The following LRIG2 variants were observed in gnomAD, a reference collection of about 807,000 sequenced individuals.
LRIG2 encodes leucine rich repeats and immunoglobulin like domains 2, also known as leucine-rich repeats and immunoglobulin-like domains protein 2.
In LRIG2, 93 loss-of-function variants were observed where a neutral mutation model predicts 107.8. That is an observed-to-expected ratio of 0.86 (90% CI 0.73 to 1.03). The LOEUF (loss-of-function observed/expected upper bound fraction) is 1.03. Ranked by LOEUF, LRIG2 falls within the 50% of genes least tolerant of loss-of-function variation. The pLI is 0.00. For missense variants in LRIG2, 1,226 were observed against 1,296.0 expected (o/e 0.95, Z 0.83); for synonymous variants, 471 against 470.6 (o/e 1.00, Z -0.01).
chr1:113,101,287 C>T (rs926227316), intron 11 of LRIG2, among the ~76,000 whole-genome samples: 19 of 152,168 alleles, frequency 1.2e-4, no homozygotes, highest in African/African-American at 3.6e-4. Context: ...CAGCTGGTCT[C>T]GAACTCCTGA....
At chr1:113,118,160 C>T (rs1655097141) in intron 16 of LRIG2, among the ~76,000 whole-genome samples, 1 of 152,104 alleles carries the variant, frequency 6.6e-6, no homozygotes, top group African/African-American at 2.4e-5. Context: ...CTCAGGTGAT[C>T]CACCTGCCTC....
At chr1:113,097,946 C>T (rs1487957577) in intron 8 of LRIG2, among the ~76,000 whole-genome samples, 2 of 152,164 alleles carry the variant, frequency 1.3e-5, no homozygotes, top group Non-Finnish European at 2.9e-5. Flanking sequence ...CAGGGATCTC[C>T]TCTTTACTGC....
intron 11 of LRIG2, among the ~76,000 whole-genome samples, chr1:113,105,019 G>A (rs914834560): frequency 6.6e-6 from 1 of 152,000 alleles, no homozygotes; most frequent in Admixed American, 6.6e-5. Context: ...GGTGGCATGT[G>A]CCTGTAATCC....
At chr1:113,087,233 G>C (rs946888208) in intron 1 of LRIG2, among the ~76,000 whole-genome samples, 3 of 152,140 alleles carry the variant, frequency 2.0e-5, no homozygotes, top group Non-Finnish European at 4.4e-5. Flanking sequence ...AAACCACCTG[G>C]AATTAATGGA....
chr1:113,118,929 G>T (rs1356040689), intron 16 of LRIG2, among the ~76,000 whole-genome samples: 1 of 152,208 alleles, frequency 6.6e-6, no homozygotes, highest in African/African-American at 2.4e-5. Context: ...CTCCCAAAGT[G>T]CTGGGATTAC....
chr1:113,100,401 T>C lies in LRIG2; in HGVS notation c.1245-19T>C. 6.7e-7 allele frequency: 1 copy of C among 1,489,592 alleles called. No homozygotes were observed. Among genetic ancestry groups the C allele is most frequent in the Non-Finnish European group, 9.3e-7 (1 of 1,072,558 alleles). 92.3% of individuals were successfully genotyped at this position (1,489,592 alleles called of 1,614,324 possible). On this transcript the variant is annotated intron_variant, in intron 10 of 17. Transcript: ENST00000361127. ...TATAGAAATGGTGACTGATAATGTT[T>C]CATTTCTCTTTATTTCAGAGATTTG...
At position 113,132,069 on chromosome 1, in the gene LRIG2, A is replaced by G. The variant is rs1655717957; in HGVS notation, c.*7968A>G. On this transcript the variant is annotated 3_prime_UTR_variant, in exon 18 of 18. Transcript: ENST00000361127. The stretch of plus-strand genomic sequence containing the variant: ...TATTATTTTTTTCCCCTATTGGATA[A>G]TACTAGTCTGAGCAGCCCTAATACT... 6.6e-6 allele frequency: 1 copy of G among 151,690 alleles called. No individual in the cohort carries two copies. The highest frequency in any genetic ancestry group is 6.6e-5 in the Admixed American group (1 of 15,168). 9.4% of individuals were successfully genotyped at this position (151,690 alleles called of 1,614,324 possible). A position where few individuals can be genotyped will look rare whatever the true frequency, so the allele number is the denominator to read the frequency against.
intron 1 of LRIG2, among the ~76,000 whole-genome samples, chr1:113,082,095 C>T (rs1296506166): frequency 2.6e-5 from 4 of 152,184 alleles, no homozygotes; most frequent in Admixed American, 6.6e-5. Flanking sequence ...TTGCATGATA[C>T]TGTTACAATG....
chr1:113,078,986 T>G (rs1343273246), intron 1 of LRIG2, among the ~76,000 whole-genome samples: 3 of 152,130 alleles, frequency 2.0e-5, no homozygotes, highest in African/African-American at 7.2e-5. Context: ...TGCGGTTGGA[T>G]AATCTAGCTG....
At position 113,119,372 on chromosome 1, in the gene LRIG2, A is replaced by G. The variant is rs747178441; in HGVS notation, c.2820A>G (p.Gln940=). 2 of 1,613,930 alleles carry G rather than the reference A, an allele frequency of 1.2e-6. No homozygotes were observed. Among genetic ancestry groups the G allele is most frequent in the Admixed American group, 1.7e-5 (1 of 59,978 alleles). ...AGACACTGTCCAGCCTCATGGTCCAAATGCCTAAAGAGACATATTTAGTAC... is the reference window on the plus strand; with the variant it reads ...AGACACTGTCCAGCCTCATGGTCCAGATGCCTAAAGAGACATATTTAGTAC... ...LDQTLSSLMV[Q]MPKETYLVHP... The change falls in exon 17 of 18, where the codon CAA becomes CAG. Residue 940 remains glutamine (Q), a synonymous_variant. Coordinates refer to ENST00000361127, the MANE Select transcript of LRIG2 (RefSeq NM_014813.3).
chr1:113,114,976 G>A (rs1460589313), intron 15 of LRIG2, 100 bp downstream of exon 15: 4 of 1,009,974 alleles, frequency 4.0e-6, no homozygotes, highest in Non-Finnish European at 4.3e-6. Context: ...GGTCATAGTA[G>A]CACATGCCTG....
intron 1 of LRIG2, among the ~76,000 whole-genome samples, 170 bp from the exon 2 acceptor site, chr1:113,091,148 T>C (rs1243522214): frequency 6.6e-6 from 1 of 152,150 alleles, no homozygotes; most frequent in East Asian, 1.9e-4. Context: ...AGTCTTGAAC[T>C]TCTGACCTCA....
At chr1:113,099,149 C>G (rs1281139052) in intron 9 of LRIG2, among the ~76,000 whole-genome samples, 1 of 151,650 alleles carries the variant, frequency 6.6e-6, no homozygotes, top group African/African-American at 2.4e-5. Context: ...CTTGGCCAGG[C>G]TGGTCTTGAA....
chr1:113,082,105 GA>G (rs1653314795), intron 1 of LRIG2, among the ~76,000 whole-genome samples: 1 of 152,200 alleles, frequency 6.6e-6, no homozygotes, highest in African/African-American at 2.4e-5. Flanking sequence ...CTGTTACAAT[GA>G]ACTGTTTCAC....
At position 113,127,758 on chromosome 1, in the gene LRIG2, G is replaced by T; in HGVS notation, c.*3657G>T. 1 of 151,522 alleles carries T rather than the reference G, an allele frequency of 6.6e-6. No individual in the cohort carries two copies. Among genetic ancestry groups the T allele is most frequent in the Non-Finnish European group, 1.5e-5 (1 of 67,954 alleles). The allele number at this position is 151,522 out of a possible 1,614,324, so 9.4% of individuals were successfully genotyped here. On this transcript the variant is annotated 3_prime_UTR_variant, in exon 18 of 18. Transcript: ENST00000361127. The stretch of plus-strand genomic sequence containing the variant: ...TTTATTTGTATTTTTAGTAGAGACG[G>T]GGTTTCTCCATGTTGGTCAGGCTGG...
intron 17 of LRIG2, 47 bp downstream of exon 17, chr1:113,119,570 T>G (rs764551991): frequency 2.6e-6 from 4 of 1,566,422 alleles, no homozygotes; most frequent in Non-Finnish European, 3.5e-6. Context: ...TTTCGTCTAA[T>G]TGACTCTTCC....
rs555861610 is a variant in LRIG2 at position 113,092,856 on chromosome 1, G to A, written c.306-350G>A. 3.3e-5 allele frequency among the ~76,000 whole-genome samples: 5 copies of A among 152,148 alleles called. No homozygotes were observed. In the East Asian group the frequency reaches 7.7e-4, roughly 24 times the overall value. On this transcript the variant is annotated intron_variant, in intron 2 of 17. Coordinates refer to ENST00000361127, the MANE Select transcript of LRIG2 (RefSeq NM_014813.3). The stretch of plus-strand genomic sequence containing the variant: ...AATACAAAATTAGCCGGGCGTGGTG[G>A]TGCATGCCTGTAATCCCAGATACTC...
chr1:113,110,198 AAT>A (rs756182279), intron 12 of LRIG2, 42 bp from the exon 13 acceptor site: 1 of 1,381,622 alleles, frequency 7.2e-7, no homozygotes, highest in East Asian at 2.3e-5. Context: ...CTAAAGCAAA[AAT>A]AAATAACTGA....
At position 113,112,903 on chromosome 1, in the gene LRIG2, A is replaced by C. The variant is rs933343552; in HGVS notation, c.2080+143A>C. 14 of 869,718 alleles carry C rather than the reference A, an allele frequency of 1.6e-5. No individual in the cohort carries two copies. In the African/African-American group the frequency reaches 2.4e-4, roughly 15 times the overall value. The allele number at this position is 869,718 out of a possible 1,614,324, so 53.9% of individuals were successfully genotyped here. ...TTATTTCACAATTTTATGCAAGGTT[A>C]TGTCAGTCTAGGAATTAGTGGGTCA... On this transcript the variant is annotated intron_variant, in intron 14 of 17. Transcript: ENST00000361127.
Sources: allele counts gnomAD v4.1 joint callset (sites outside exome capture counted in the v4.1 genomes callset), GRCh38; gene constraint gnomAD v4.1.1; transcripts MANE v1.5; gene names NCBI Gene and HGNC (gene_info 2026-07-23, HGNC 2026-07-21).